Variants in TEX101 observed in about 807,000 individuals in gnomAD.
The protein encoded by TEX101 is testis-expressed protein 101.
A neutral mutation model predicts 18.1 loss-of-function variants in TEX101; 10 were observed. The ratio of observed to expected loss-of-function variants is 0.55; its 90% CI spans 0.34 to 0.94. The LOEUF is 0.94. Ranked by LOEUF, TEX101 falls within the 40% of genes least tolerant of loss-of-function variation. The pLI, the probability that TEX101 is intolerant of heterozygous loss-of-function variation, is 0.02. For synonymous variants in TEX101, 94 were observed against 114.8 expected, an observed-to-expected ratio of 0.82 and a Z score of 1.16; for missense variants, 259 against 298.9, an observed-to-expected ratio of 0.87 and a Z score of 0.98.
upstream of TEX101, among the ~76,000 whole-genome samples, chr19:43,410,380 G>A (rs1970407841): frequency 1.3e-5 from 2 of 152,118 alleles, no homozygotes; most frequent in South Asian, 2.1e-4. Flanking sequence ...AAAGAGGCTG[G>A]AAGAGACTAG....
chr19:43,410,013 G>A (rs1599900330), upstream of TEX101, among the ~76,000 whole-genome samples: 1 of 152,050 alleles, frequency 6.6e-6, no homozygotes, highest in Non-Finnish European at 1.5e-5. Flanking sequence ...CTCCAGCCTG[G>A]ACAAGATTGA....
intron 1 of TEX101, among the ~76,000 whole-genome samples, chr19:43,401,780 G>A (rs1970320468): frequency 6.6e-6 from 1 of 152,070 alleles, no homozygotes; most frequent in Admixed American, 6.6e-5. Flanking sequence ...TTGAACCCGG[G>A]AGGCGGTAAG....
At chr19:43,409,382 C>G (rs948423767) in intron 3 of TEX101, among the ~76,000 whole-genome samples, 1 of 152,096 alleles carries the variant, frequency 6.6e-6, no homozygotes, top group African/African-American at 2.4e-5. Context: ...ATGGAGAAAC[C>G]ATTAGACCAA....
the TEX101 span, among the ~76,000 whole-genome samples, chr19:43,395,698 C>T: frequency 6.6e-6 from 1 of 152,230 alleles, no homozygotes; most frequent in Non-Finnish European, 1.5e-5. Flanking sequence ...AACGACGCCT[C>T]TCAGAACTCC....
upstream of TEX101, among the ~76,000 whole-genome samples, chr19:43,397,136 T>G (rs117615238): frequency 6.6e-6 from 1 of 152,112 alleles, no homozygotes; most frequent in African/African-American, 2.4e-5. Context: ...GCACCCAGCC[T>G]GTTTTCAGCT....
intron 2 of TEX101, among the ~76,000 whole-genome samples, chr19:43,404,424 A>G (rs1316126698): frequency 6.6e-6 from 1 of 152,094 alleles, no homozygotes; most frequent in Non-Finnish European, 1.5e-5. Flanking sequence ...ACATATGTTT[A>G]TGTATTAGCA....
chr19:43,389,015 G>A, the TEX101 span, among the ~76,000 whole-genome samples: 1 of 152,060 alleles, frequency 6.6e-6, no homozygotes, highest in Non-Finnish European at 1.5e-5. Flanking sequence ...TCGAGGCATC[G>A]TAGCTTCCCT....
Position 43,414,917 on chromosome 19 carries a change from C to T in TEX101, c.-161C>T, listed in dbSNP as rs1168711322. On this transcript the variant is annotated 5_prime_UTR_variant, in exon 1 of 6. Coordinates refer to ENST00000598265, the MANE Select transcript of TEX101 (RefSeq NM_001130011.3). ...GAGAATGCCAAGCCCGGGGAGAAGG[C>T]GTTCCGGGCCTCAACTTTGGCGTCG... is the stretch of plus-strand genomic sequence containing the variant. 1.0e-5 allele frequency: 10 copies of T among 985,348 alleles called. No homozygotes were observed. The highest frequency in any genetic ancestry group is 1.2e-5 in the Non-Finnish European group (10 of 829,958). 61.0% of individuals were successfully genotyped at this position (985,348 alleles called of 1,614,324 possible). A position where few individuals can be genotyped will look rare whatever the true frequency, so the allele number is the denominator to read the frequency against.
chr19:43,397,461 T>C (rs1970277606), upstream of TEX101, among the ~76,000 whole-genome samples: 1 of 151,208 alleles, frequency 6.6e-6, no homozygotes, highest in South Asian at 2.1e-4. Flanking sequence ...TCATCCTTTG[T>C]TTTCAACTTT....
intron 3 of TEX101, among the ~76,000 whole-genome samples, chr19:43,406,925 TTTTTTG>T (rs1970369673): frequency 9.7e-6 from 1 of 102,962 alleles, no homozygotes; most frequent in Non-Finnish European, 1.9e-5. Context: ...TTTGTCTTTG[TTTTTTG>T]TTTTTTTTTT....
rs756155636 is a variant in TEX101, at chr19:43,416,567, G to C, written c.391+12G>C. On this transcript the variant is annotated intron_variant, in intron 4 of 5. Coordinates refer to ENST00000598265, the MANE Select transcript of TEX101 (RefSeq NM_001130011.3). ...CAGTGAGACCACAGGTACCCTGGAA[G>C]TGGGGGAGATAGGTACTAAGAGAAA... 6.2e-7 allele frequency: 1 copy of C among 1,610,116 alleles called. No individual in the cohort carries two copies. The highest frequency in any genetic ancestry group is 8.5e-7 in the Non-Finnish European group (1 of 1,177,570).
At chr19:43,393,328 C>T in the TEX101 span, among the ~76,000 whole-genome samples, 4 of 152,160 alleles carry the variant, frequency 2.6e-5, no homozygotes, top group African/African-American at 4.8e-5. Context: ...AGCTGCTCCA[C>T]GGGGAGGGGG....
chr19:43,390,460 C>CTTTTTTATTTTTTTTTTTTTTT, the TEX101 span, among the ~76,000 whole-genome samples: 1 of 49,856 alleles, frequency 2.0e-5, no homozygotes, highest in Non-Finnish European at 3.4e-5. Context: ...CTTTTTTTTT[C>CTTTTTTATTTTTTTTTTTTTTT]TTTTTTTTTT....
At chr19:43,410,757 C>A (rs1018625002), upstream of TEX101, among the ~76,000 whole-genome samples, 2 of 151,354 alleles carry the variant, frequency 1.3e-5, no homozygotes, top group African/African-American at 4.9e-5. Context: ...TCACACACAG[C>A]ACACAGATAC....
chr19:43,404,983 G>A (rs1245539543), intron 2 of TEX101, among the ~76,000 whole-genome samples: 1 of 152,046 alleles, frequency 6.6e-6, no homozygotes, highest in African/African-American at 2.4e-5. Flanking sequence ...AAAAAGTAAT[G>A]AAGAGAAAAG....
chr19:43,407,020 A>C (rs1433397176), intron 3 of TEX101, among the ~76,000 whole-genome samples: 8 of 148,192 alleles, frequency 5.4e-5, no homozygotes. Flanking sequence ...TATGTGAGCT[A>C]TGTGATCGGC....
At chr19:43,402,271 G>A (rs866868145) in intron 1 of TEX101, among the ~76,000 whole-genome samples, 1 of 152,140 alleles carries the variant, frequency 6.6e-6, no homozygotes, top group African/African-American at 2.4e-5. Flanking sequence ...AGAAGCAAAC[G>A]AACAGCATCA....
At chr19:43,403,049 G>A (rs1018252776) in intron 2 of TEX101, among the ~76,000 whole-genome samples, 6 of 152,136 alleles carry the variant, frequency 3.9e-5, no homozygotes, top group East Asian at 1.9e-4. Flanking sequence ...AACAGCATGC[G>A]TTAGTTCCTC....
the TEX101 span, among the ~76,000 whole-genome samples, chr19:43,389,092 G>T: frequency 4.6e-5 from 7 of 152,088 alleles, no homozygotes; most frequent in African/African-American, 1.7e-4. Context: ...CAGTTCCTCA[G>T]CTCAAATACC....
Sources: allele counts gnomAD v4.1 joint callset (sites outside exome capture counted in the v4.1 genomes callset), GRCh38; gene constraint gnomAD v4.1.1; transcripts MANE v1.5; gene names NCBI Gene and HGNC (gene_info 2026-07-23, HGNC 2026-07-21).